Variants in CCDC74B observed in about 807,000 individuals in gnomAD.
CCDC74B encodes the protein coiled-coil domain containing 74B.
A neutral mutation model predicts 38.0 loss-of-function variants in CCDC74B; 34 were observed. The observed-to-expected ratio is 0.89, with a 90% confidence interval of 0.68 to 1.19. The LOEUF is 1.19. CCDC74B is among the 50% of genes most tolerant of loss of function. The probability of loss-of-function intolerance (pLI) is 0.00; values close to 1 mark genes in which losing one functional copy is unlikely to be tolerated. For synonymous variants in CCDC74B, 132 were observed against 170.4 expected (o/e 0.77, Z 1.76); for missense variants, 358 against 406.0 (o/e 0.88, Z 1.02).
At chr2:130,143,097 A>G (rs774649900) in intron 2 of CCDC74B, 172 bp downstream of exon 2, 13 of 1,489,960 alleles carry the variant, frequency 8.7e-6, no homozygotes, top group Non-Finnish European at 1.2e-5. Context: ...TTGGCTGCGT[A>G]ACATCATCCA....
intron 1 of CCDC74B, 57 bp from the exon 2 acceptor site, chr2:130,143,370 A>G (rs1300864718): frequency 2.0e-5 from 33 of 1,610,352 alleles, no homozygotes; most frequent in Non-Finnish European, 2.7e-5. Context: ...ATTCTGAGAG[A>G]AGAAGCCTGG....
rs74499270 is a variant in CCDC74B, at chr2:130,143,423, C to A, written c.251-110G>T. On this transcript the variant is annotated intron_variant, in intron 1 of 7. Coordinates refer to ENST00000409943, the MANE Select transcript of CCDC74B (RefSeq NM_001258307.2). Reference sequence around the variant, plus strand: ...GCTGAGCCCGAAAGTCCTGCCCCCCCACTGGCTGATTGGGCCCTGCCCCAT... The same window carrying A: ...GCTGAGCCCGAAAGTCCTGCCCCCCAACTGGCTGATTGGGCCCTGCCCCAT... 19,052 of 1,423,226 alleles carry A rather than the reference C, an allele frequency of 0.013. 888 individuals carry two copies. In the East Asian group the frequency reaches 0.18, roughly 13 times the overall value. 88.2% of individuals were successfully genotyped at this position (1,423,226 alleles called of 1,614,324 possible). A position where few individuals can be genotyped will look rare whatever the true frequency, so the allele number is the denominator to read the frequency against.
rs560403666 is a variant in CCDC74B, at chr2:130,145,052, C to A, written c.-56G>T. 2.9e-6 allele frequency: 4 copies of A among 1,400,830 alleles called. No homozygotes were observed. Among genetic ancestry groups the A allele is most frequent in the Non-Finnish European group, 3.7e-6 (4 of 1,074,450 alleles). The allele number at this position is 1,400,830 out of a possible 1,614,324, so 86.8% of individuals were successfully genotyped here. On this transcript the variant is annotated 5_prime_UTR_variant, in exon 1 of 8. Transcript: ENST00000409943. ...ACTGCACCCCGGCTCAGTGGCCAGG[C>A]CGCCCTAGCCTGGCGCCCCGTCACC...
At chr2:130,143,399 C>A in intron 1 of CCDC74B, 86 bp from the exon 2 acceptor site, 1 of 1,573,136 alleles carries the variant, frequency 6.4e-7, no homozygotes, top group East Asian at 2.2e-5. Context: ...CTCCTGGCTG[C>A]TGAGCCCGAA....
Position 130,143,330 on chromosome 2 carries a change from G to C in CCDC74B, c.251-17C>G. The stretch of plus-strand genomic sequence containing the variant: ...AACGGAGATCTGAAAGCAAGCACAC[G>C]CTCTCCTCAGCACTTGTGAAACCAC... On this transcript the variant is annotated splice_polypyrimidine_tract_variant and intron_variant, in intron 1 of 7. Coordinates refer to ENST00000409943, the MANE Select transcript of CCDC74B (RefSeq NM_001258307.2). 6.2e-7 allele frequency: 1 copy of C among 1,613,944 alleles called. No homozygotes were observed. Among genetic ancestry groups the C allele is most frequent in the Non-Finnish European group, 8.5e-7 (1 of 1,179,816 alleles).
chr2:130,139,933 G>C lies in CCDC74B; in HGVS notation c.767C>G (p.Thr256Arg). Reference sequence around the variant, plus strand: ...CTTGGTGGAGACCTTGGGGAAATGCGTGGCTTCTTGGTCCCTGGGTGAAGG... The same window carrying C: ...CTTGGTGGAGACCTTGGGGAAATGCCTGGCTTCTTGGTCCCTGGGTGAAGG... ...EASFPRDQEA[T>R]HFPKVSTKSL... The change falls in exon 7 of 8, where the codon ACG becomes AGG. Residue 256 changes from threonine to arginine, a missense_variant. Thr to Arg is a moderately conservative substitution (Grantham distance 71). Coordinates refer to ENST00000409943, the MANE Select transcript of CCDC74B (RefSeq NM_001258307.2). 1 of 1,612,186 alleles carries C rather than the reference G, an allele frequency of 6.2e-7. No homozygotes were observed. Among genetic ancestry groups the C allele is most frequent in the Non-Finnish European group, 8.5e-7 (1 of 1,179,138 alleles).
At chr2:130,142,066 G>A in intron 3 of CCDC74B, 67 bp downstream of exon 3, 1 of 1,590,952 alleles carries the variant, frequency 6.3e-7, no homozygotes, top group Non-Finnish European at 8.6e-7. Flanking sequence ...CACCCCTAGA[G>A]GCCACCCAGG....
At chr2:130,139,721 A>G in intron 7 of CCDC74B, 31 bp from the exon 8 acceptor site, 2 of 1,611,886 alleles carry the variant, frequency 1.2e-6, no homozygotes, top group Non-Finnish European at 1.7e-6. Context: ...TGTCACCGTG[A>G]GCATCCTCGC....
Position 130,139,615 on chromosome 2 carries a change from G to A in CCDC74B, c.885C>T (p.Ala295=), listed in dbSNP as rs1372732086. The A allele has an allele frequency of 7.4e-6, 12 of 1,613,272 alleles. No individual in the cohort carries two copies. Among genetic ancestry groups the A allele is most frequent in the African/African-American group, 1.3e-5 (1 of 74,940 alleles). ...TTGCCTGCAGCCTCTTCTGCCTCTCGGCAAAGTTGTTCTTCGGGGTCTGCT... is the reference window on the plus strand; with the variant it reads ...TTGCCTGCAGCCTCTTCTGCCTCTCAGCAAAGTTGTTCTTCGGGGTCTGCT... ...ALKQTPKNNF[A]ERQKRLQAMQ... Residue 295 remains alanine (A), a synonymous_variant, in exon 8 of 8, where the codon GCC becomes GCT. Coordinates refer to ENST00000409943, the MANE Select transcript of CCDC74B (RefSeq NM_001258307.2).
chr2:130,140,197 G>A lies in CCDC74B; in HGVS notation c.660C>T (p.Asn220=), dbSNP rs143036374. The change falls in exon 5 of 8, where the codon AAC becomes AAT. Residue 220 remains asparagine (N), a synonymous_variant. Coordinates refer to ENST00000409943, the MANE Select transcript of CCDC74B (RefSeq NM_001258307.2). ...GCCTCACCTCTTGGGTCTGCAGGAG[G>A]TTGGTATTCCACAGCTCGCGGATGA... ...EVLIRELWNT[N]LLQTQELQHL... is the part of the protein sequence containing the mutation. 3.5e-5 allele frequency: 57 copies of A among 1,612,972 alleles called. No homozygotes were observed. Among genetic ancestry groups the A allele is most frequent in the Non-Finnish European group, 4.5e-5 (53 of 1,179,624 alleles).
chr2:130,139,537 T>C lies in CCDC74B; in HGVS notation c.*18A>G. On this transcript the variant is annotated 3_prime_UTR_variant, in exon 8 of 8. Transcript: ENST00000409943. ...AGCTGCAGGTTGGTGGGCCTGGCACTGACCAGATGCGGGTAGCTCAAAGCA... is the reference window on the plus strand; with the variant it reads ...AGCTGCAGGTTGGTGGGCCTGGCACCGACCAGATGCGGGTAGCTCAAAGCA... 6.2e-7 allele frequency: 1 copy of C among 1,613,142 alleles called. No homozygotes were observed. Among genetic ancestry groups the C allele is most frequent in the Non-Finnish European group, 8.5e-7 (1 of 1,179,852 alleles).
chr2:130,142,436 T>C (rs1558723318), intron 2 of CCDC74B: 2 of 1,613,376 alleles, frequency 1.2e-6, no homozygotes, highest in South Asian at 1.1e-5. Flanking sequence ...AGGGAGAGCA[T>C]GGCCTCTTCC....
At chr2:130,142,938 C>G in intron 2 of CCDC74B, 1 of 1,549,954 alleles carries the variant, frequency 6.5e-7, no homozygotes, top group Non-Finnish European at 8.7e-7. Flanking sequence ...CAATCTGAGG[C>G]AAAGATCTAG....
At chr2:130,144,313 G>T (rs941063407) in intron 1 of CCDC74B, 22 of 544,834 alleles carry the variant, frequency 4.0e-5, no homozygotes, top group Admixed American at 3.6e-4. Flanking sequence ...CTAACTTTTT[G>T]TATTTTTAGT....
chr2:130,142,662 T>C lies in CCDC74B; in HGVS notation c.296-479A>G, dbSNP rs953023590. 2.7e-5 allele frequency: 41 copies of C among 1,543,066 alleles called. No homozygotes were observed. In the Middle Eastern group the frequency reaches 5.0e-4, roughly 19 times the overall value. On this transcript the variant is annotated intron_variant, in intron 2 of 7. Coordinates refer to ENST00000409943, the MANE Select transcript of CCDC74B (RefSeq NM_001258307.2). ...ATCCACCAGTCAGATGTCCTCCTGATGTCAGCCCCAGCCCCAAAGATAACG... is the reference window on the plus strand; with the variant it reads ...ATCCACCAGTCAGATGTCCTCCTGACGTCAGCCCCAGCCCCAAAGATAACG...
intron 3 of CCDC74B, chr2:130,141,852 C>A (rs536402804): frequency 6.0e-4 from 399 of 661,816 alleles, no homozygotes; most frequent in Non-Finnish European, 8.0e-4. Context: ...CCTCCCTAGG[C>A]GGCCACCCGG....
At position 130,141,239 on chromosome 2, in the gene CCDC74B, G is replaced by A. The variant is rs751794865; in HGVS notation, c.404C>T (p.Pro135Leu). 25 of 1,593,312 alleles carry A rather than the reference G, an allele frequency of 1.6e-5. No homozygotes were observed. The African/African-American group carries it at 2.9e-4, about 19-fold the overall frequency. Residue 135 changes from proline to leucine, a missense_variant, in exon 4 of 8, where the codon CCC becomes CTC. This residue lies in a region of CCDC74B where 17 missense variants were observed against 47.1 expected (regional missense o/e 0.36). Transcript: ENST00000409943. ...FNKQDSKADV[P>L]QKADLEEEPL... The stretch of plus-strand genomic sequence containing the variant: ...CTCCTCTTCCAGGTCCGCCTTCTGG[G>A]GGACGTCAGCTTTTGAATCTTGCTT...
chr2:130,142,619 T>C (rs1273382589), intron 2 of CCDC74B: 14 of 1,544,092 alleles, frequency 9.1e-6, no homozygotes, highest in African/African-American at 1.4e-5. Flanking sequence ...CCAGCTACGA[T>C]GTTCCCAGGC....
chr2:130,139,715 AC>A (rs1685464453), intron 7 of CCDC74B, 25 bp from the exon 8 acceptor site: 2 of 1,611,944 alleles, frequency 1.2e-6, no homozygotes, highest in African/African-American at 2.7e-5. Context: ...AGGGACTGTC[AC>A]CGTGAGCATC....
Sources: allele counts gnomAD v4.1 joint callset, GRCh38; gene constraint gnomAD v4.1.1; regional missense constraint gnomAD v4.1.1; transcripts MANE v1.5; gene names NCBI Gene and HGNC (gene_info 2026-07-23, HGNC 2026-07-21).